The following LIPI variants were observed in gnomAD, a reference collection of about 807,000 sequenced individuals.
LIPI encodes lipase member I.
Under a neutral mutation model 50.6 loss-of-function variants are expected in LIPI, and 59 were observed. The ratio of observed to expected loss-of-function variants is 1.16; its 90% CI spans 0.94 to 1.45. The LOEUF (loss-of-function observed/expected upper bound fraction) is 1.45, where lower values mean the gene tolerates loss of function less well. Among genes scored for constraint, LIPI ranks in the 40% most tolerant of loss-of-function variants. The probability of loss-of-function intolerance (pLI) is 0.00; values close to 1 mark genes in which losing one functional copy is unlikely to be tolerated. For missense variants in LIPI, 586 were observed against 536.3 expected (o/e 1.09, Z -0.92); for synonymous variants, 203 against 178.2 (o/e 1.14, Z -1.11).
At position 14,181,899 on chromosome 21, in the gene LIPI, A is replaced by G. The variant is rs367985340; in HGVS notation, c.542-40T>C. 3 of 1,087,308 alleles carry G rather than the reference A, an allele frequency of 2.8e-6. No homozygotes were observed. In the African/African-American group the frequency reaches 4.6e-5, roughly 17 times the overall value. 67.4% of individuals were successfully genotyped at this position (1,087,308 alleles called of 1,614,324 possible). A position where few individuals can be genotyped will look rare whatever the true frequency, so the allele number is the denominator to read the frequency against. The stretch of plus-strand genomic sequence containing the variant: ...AGAAATAATCAGTCTCATCAAGTCC[A>G]CAGAGCTCCTTACATTGCATACTTC... On this transcript the variant is annotated intron_variant, in intron 3 of 9. Coordinates refer to ENST00000681601, the MANE Select transcript of LIPI (RefSeq NM_001302998.2).
intron 4 of LIPI, among the ~76,000 whole-genome samples, chr21:14,172,602 A>G (rs1284096571): frequency 2.0e-5 from 3 of 152,034 alleles, no homozygotes; most frequent in Admixed American, 6.6e-5. Context: ...CATTCTCGGT[A>G]AACTATCGCA....
intron 5 of LIPI, 104 bp downstream of exon 5, chr21:14,166,258 G>A: frequency 2.6e-6 from 2 of 769,382 alleles, no homozygotes; most frequent in South Asian, 2.8e-5. Context: ...GGGCAATGAT[G>A]ATGAAATCAA....
chr21:14,210,119 A>T (rs1168939181), intron 1 of LIPI, among the ~76,000 whole-genome samples: 1 of 152,098 alleles, frequency 6.6e-6, no homozygotes, highest in African/African-American at 2.4e-5. Flanking sequence ...AAACCCCTAC[A>T]GAAAACTATC....
intron 1 of LIPI, among the ~76,000 whole-genome samples, chr21:14,200,020 G>A (rs2123327861): frequency 6.6e-6 from 1 of 152,166 alleles, no homozygotes; most frequent in East Asian, 1.9e-4. Context: ...TATCTCAATA[G>A]ATGCAGAAAA....
At chr21:14,133,966 G>C (rs2017394194) in intron 9 of LIPI, among the ~76,000 whole-genome samples, 1 of 152,014 alleles carries the variant, frequency 6.6e-6, no homozygotes, top group Non-Finnish European at 1.5e-5. Flanking sequence ...TGCCACTGTG[G>C]GAGGCTGTGA....
chr21:14,167,746 GA>G, intron 4 of LIPI, among the ~76,000 whole-genome samples: 2 of 152,096 alleles, frequency 1.3e-5, no homozygotes, highest in Admixed American at 1.3e-4. Flanking sequence ...AAAAGTAGAT[GA>G]AACCACAAAA....
intron 1 of LIPI, among the ~76,000 whole-genome samples, chr21:14,196,028 T>C (rs184077459): frequency 6.6e-6 from 1 of 151,780 alleles, no homozygotes. Flanking sequence ...TAGTTTCTTA[T>C]AAGGTTACAT....
rs986511634 is a variant in LIPI, at chr21:14,165,457, C to T, written c.734-67G>A. The T allele has an allele frequency of 4.9e-6, 6 of 1,216,968 alleles. No homozygotes were observed. In the Admixed American group the frequency reaches 5.7e-5, roughly 11 times the overall value. The allele number at this position is 1,216,968 out of a possible 1,614,324, so 75.4% of individuals were successfully genotyped here. On this transcript the variant is annotated intron_variant, in intron 5 of 9. Transcript: ENST00000681601. ...AGCCATGTTCAAGTACATTTAAAAA[C>T]AAAGTAAAGATGAAGTTTTGCTAAA...
chr21:14,124,620 A>C lies in LIPI; in HGVS notation c.1296-15540T>G, dbSNP rs150968832. Among the ~76,000 whole-genome samples the C allele has an allele frequency of 4.8e-3, 738 of 152,302 alleles. 5 individuals carry two copies. The highest frequency in any genetic ancestry group is 0.017 in the African/African-American group (700 of 41,570). On this transcript the variant is annotated intron_variant, in intron 9 of 9. Transcript: ENST00000681601. ...TAGTATAAATAAATGTAAAAGACTG[A>C]TCAACTGCCTAAGTACGCTTCCTGC... is the stretch of plus-strand genomic sequence containing the variant.
chr21:14,167,379 G>T (rs2123169636), intron 4 of LIPI, among the ~76,000 whole-genome samples: 1 of 152,330 alleles, frequency 6.6e-6, no homozygotes, highest in African/African-American at 2.4e-5. Context: ...CCAGCACGCA[G>T]CTGGAGATCT....
At chr21:14,192,757 G>T (rs2019720436) in intron 1 of LIPI, among the ~76,000 whole-genome samples, 1 of 152,054 alleles carries the variant, frequency 6.6e-6, no homozygotes, top group African/African-American at 2.4e-5. Context: ...CAACAAAATT[G>T]TCCTTTAAAA....
Position 14,115,268 on chromosome 21 carries a change from A to G in LIPI, c.1296-6188T>C, listed in dbSNP as rs774772655. Among the ~76,000 whole-genome samples, 27 of 152,208 alleles carry G rather than the reference A, an allele frequency of 1.8e-4. 1 individual carries two copies. Among genetic ancestry groups the G allele is most frequent in the Admixed American group, 3.3e-4 (5 of 15,284 alleles). ...GCAGCTGCAAAGTTACAAGGTTGAT[A>G]CAGAAACATAGTTTCCCAGGGATGT... On this transcript the variant is annotated intron_variant, in intron 9 of 9. Transcript: ENST00000681601.
At chr21:14,176,422 T>C (rs1483349649) in intron 4 of LIPI, among the ~76,000 whole-genome samples, 2 of 151,902 alleles carry the variant, frequency 1.3e-5, no homozygotes, top group African/African-American at 4.8e-5. Context: ...TTAAAACAGC[T>C]GTACTCAAAA....
intron 1 of LIPI, among the ~76,000 whole-genome samples, chr21:14,200,870 A>G (rs968107040): frequency 2.8e-4 from 43 of 152,272 alleles, no homozygotes; most frequent in African/African-American, 9.9e-4. Context: ...AAACTATACT[A>G]CAGGGCTACA....
intron 9 of LIPI, among the ~76,000 whole-genome samples, chr21:14,114,802 A>G (rs1229423973): frequency 6.6e-6 from 1 of 152,250 alleles, no homozygotes; most frequent in African/African-American, 2.4e-5. Flanking sequence ...AAGTATGAAG[A>G]AAATTACAGC....
intron 3 of LIPI, among the ~76,000 whole-genome samples, chr21:14,182,363 A>G (rs2019303565): frequency 6.6e-6 from 1 of 152,130 alleles, no homozygotes; most frequent in South Asian, 2.1e-4. Context: ...CTCTTAAGAA[A>G]AGAAAAAATA....
intron 1 of LIPI, among the ~76,000 whole-genome samples, chr21:14,210,040 A>G (rs1262327536): frequency 6.6e-6 from 1 of 152,058 alleles, no homozygotes; most frequent in African/African-American, 2.4e-5. Flanking sequence ...TTAATTTTAA[A>G]GTTATTCAAG....
At chr21:14,176,252 T>C (rs1185704795) in intron 4 of LIPI, among the ~76,000 whole-genome samples, 1 of 151,904 alleles carries the variant, frequency 6.6e-6, no homozygotes, top group East Asian at 1.9e-4. Context: ...TTTTCTAAAG[T>C]GCAAAATTTG....
At position 14,210,935 on chromosome 21, in the gene LIPI, C is replaced by T; in HGVS notation, c.-90G>A. On this transcript the variant is annotated 5_prime_UTR_variant, in exon 1 of 10. The change creates a new upstream start codon in the 5' untranslated region. Transcript: ENST00000681601. ...AGGTTTCTCTTTGGTAGGATCATCACAGGCTGGCAGGTTCTTCTGTAAAAG... is the reference window on the plus strand; with the variant it reads ...AGGTTTCTCTTTGGTAGGATCATCATAGGCTGGCAGGTTCTTCTGTAAAAG... The T allele has an allele frequency of 2.7e-6, 3 of 1,107,282 alleles. No homozygotes were observed. The highest frequency in any genetic ancestry group is 2.2e-5 in the South Asian group (1 of 46,326). 68.6% of individuals were successfully genotyped at this position (1,107,282 alleles called of 1,614,324 possible). A position where few individuals can be genotyped will look rare whatever the true frequency, so the allele number is the denominator to read the frequency against.
Sources: allele counts gnomAD v4.1 joint callset (sites outside exome capture counted in the v4.1 genomes callset), GRCh38; gene constraint gnomAD v4.1.1; transcripts MANE v1.5; gene names NCBI Gene and HGNC (gene_info 2026-07-23, HGNC 2026-07-21).